The following PCED1B variants were observed in gnomAD, a reference collection of about 807,000 sequenced individuals.
PCED1B encodes the protein PC-esterase domain-containing protein 1B.
For synonymous variants in PCED1B, 251 were observed against 246.1 expected, an observed-to-expected ratio of 1.02 and a Z score of -0.19; for missense variants, 573 against 573.9, an observed-to-expected ratio of 1.00 and a Z score of 0.02.
chr12:47,149,337 A>G (rs937284511), intron 2 of PCED1B, among the ~76,000 whole-genome samples: 7 of 152,170 alleles, frequency 4.6e-5, no homozygotes, highest in African/African-American at 1.7e-4. Flanking sequence ...CCTCACCCCA[A>G]TTATGGCTCC....
chr12:47,128,924 C>T lies in PCED1B; in HGVS notation c.-526+24729C>T, dbSNP rs562541255. ...TTTTATAAGGACACTTGGGAAAGTG[C>T]GGAAGTGCAGAAAGCCATCTCTGAA... On this transcript the variant is annotated intron_variant, in intron 2 of 3. Coordinates refer to ENST00000546455, the MANE Select transcript of PCED1B (RefSeq NM_138371.3). Among the ~76,000 whole-genome samples the T allele has an allele frequency of 5.3e-5, 8 of 152,180 alleles. 1 individual carries two copies. Among genetic ancestry groups the T allele is most frequent in the African/African-American group, 9.6e-5 (4 of 41,456 alleles).
At chr12:47,197,731 C>G (rs1942649612) in intron 2 of PCED1B, among the ~76,000 whole-genome samples, 1 of 151,846 alleles carries the variant, frequency 6.6e-6, no homozygotes, top group South Asian at 2.1e-4. Context: ...ACTCCATGGA[C>G]ATTAAAAGAA....
intron 3 of PCED1B, chr12:47,224,113 A>T (rs1943565200): frequency 6.6e-6 from 1 of 152,248 alleles, no homozygotes; most frequent in African/African-American, 2.4e-5. Flanking sequence ...ATGCAAGACC[A>T]TCATGTAGAG....
chr12:47,218,658 T>A (rs1242011963), intron 3 of PCED1B, among the ~76,000 whole-genome samples: 2 of 147,292 alleles, frequency 1.4e-5, no homozygotes, highest in African/African-American at 2.5e-5. Context: ...TGATCATTTT[T>A]AATTTTTTTT....
chr12:47,215,275 T>C (rs4768144), intron 2 of PCED1B, among the ~76,000 whole-genome samples: 33,316 of 149,420 alleles, frequency 0.22, 4,467 homozygotes, highest in Non-Finnish European at 0.3. Context: ...TTTTTAAAGA[T>C]GGAGTCTTGC....
Position 47,236,193 on chromosome 12 carries a change from C to T in PCED1B, c.1130C>T (p.Pro377Leu). 3.7e-6 allele frequency: 6 copies of T among 1,614,128 alleles called. No individual in the cohort carries two copies. The highest frequency in any genetic ancestry group is 5.1e-6 in the Non-Finnish European group (6 of 1,180,026). ...GTCGAAGACAATTTTATGGTTGGTC[C>T]TCAGCTGCCTATGCCCTTCTTCCCC... ...FFVEDNFMVG[P>L]QLPMPFFPTP... is the part of the protein sequence containing the mutation. Residue 377 changes from proline to leucine, a missense_variant, in exon 4 of 4, where the codon CCT becomes CTT. By Grantham distance (98) the Pro-to-Leu change is moderately conservative. Coordinates refer to ENST00000546455, the MANE Select transcript of PCED1B (RefSeq NM_138371.3).
chr12:47,209,246 G>A (rs773547306), intron 2 of PCED1B: 3 of 152,244 alleles, frequency 2.0e-5, no homozygotes, highest in African/African-American at 4.8e-5. Flanking sequence ...CTACCCTGCA[G>A]GGTGGTTTTA....
chr12:47,167,272 G>C (rs538508695), intron 2 of PCED1B, among the ~76,000 whole-genome samples: 14 of 152,138 alleles, frequency 9.2e-5, no homozygotes, highest in African/African-American at 3.4e-4. Context: ...GCATATTTTG[G>C]GGGGTGTAGC....
At position 47,235,339 on chromosome 12, in the gene PCED1B, C is replaced by T; in HGVS notation, c.276C>T (p.Tyr92=). ...CCGACCACCATCTGGTACGTTTTTA[C>T]TTCCTCACCCGCGTGTACTCCGATT... ...FRSDHHLVRF[Y]FLTRVYSDYL... The change falls in exon 4 of 4, where the codon TAC becomes TAT. Residue 92 remains tyrosine (Y), a synonymous_variant. Transcript: ENST00000546455. The T allele has an allele frequency of 1.2e-6, 2 of 1,614,126 alleles. No homozygotes were observed. Among genetic ancestry groups the T allele is most frequent in the Non-Finnish European group, 1.7e-6 (2 of 1,180,036 alleles).
intron 2 of PCED1B, among the ~76,000 whole-genome samples, chr12:47,154,883 C>A (rs1183585378): frequency 1.3e-5 from 2 of 151,828 alleles, no homozygotes; most frequent in Non-Finnish European, 2.9e-5. Flanking sequence ...AAATTATATT[C>A]ATTACTTTCT....
chr12:47,136,037 G>C (rs906253242), intron 2 of PCED1B: 1 of 149,024 alleles, frequency 6.7e-6, no homozygotes. Flanking sequence ...GGGTACAGTA[G>C]CCTTTTTTCC....
At position 47,131,673 on chromosome 12, in the gene PCED1B, C is replaced by CTTTTTTTTTTTTTTTTTTTTTTTTT. The variant is rs760678015; in HGVS notation, c.-526+27492_-526+27493insTTTTTTTTTTTTTTTTTTTTTTTTT. Among the ~76,000 whole-genome samples, 26 of 127,984 alleles carry CTTTTTTTTTTTTTTTTTTTTTTTTT rather than the reference C, an allele frequency of 2.0e-4. 3 individuals are homozygous for CTTTTTTTTTTTTTTTTTTTTTTTTT. The highest frequency in any genetic ancestry group is 7.9e-4 in the African/African-American group (22 of 27,926). The allele number at this position is 127,984 out of a possible 152,430, so 84.0% of individuals were successfully genotyped here. A position where few individuals can be genotyped will look rare whatever the true frequency, so the allele number is the denominator to read the frequency against. On this transcript the variant is annotated intron_variant, in intron 2 of 3. Coordinates refer to ENST00000546455, the MANE Select transcript of PCED1B (RefSeq NM_138371.3). Reference sequence around the variant, plus strand: ...CTGACACTATTGTCATGTTTTACTTCTTTTTTTTTTTTTTGAGAAGGAGTC... The same window carrying CTTTTTTTTTTTTTTTTTTTTTTTTT: ...CTGACACTATTGTCATGTTTTACTTCTTTTTTTTTTTTTTTTTTTTTTTTTTTTTTTTTTTTTTTGAGAAGGAGTC...
chr12:47,198,130 A>G (rs1942662145), intron 2 of PCED1B, among the ~76,000 whole-genome samples: 2 of 152,216 alleles, frequency 1.3e-5, no homozygotes, highest in African/African-American at 2.4e-5. Flanking sequence ...ACAATCATAA[A>G]TCCAGAAATT....
chr12:47,236,183 A>G lies in PCED1B; in HGVS notation c.1120A>G (p.Met374Val), dbSNP rs201970972. 1.4e-5 allele frequency: 23 copies of G among 1,613,884 alleles called. No homozygotes were observed. In the African/African-American group the frequency reaches 3.1e-4, roughly 22 times the overall value. ...HAGFFVEDNF[M>V]VGPQLPMPFF... is the part of the protein sequence containing the mutation. ...AGGTTTCTTCGTCGAAGACAATTTT[A>G]TGGTTGGTCCTCAGCTGCCTATGCC... The change falls in exon 4 of 4, where the codon ATG becomes GTG. Residue 374 changes from methionine (M) to valine (V), a missense_variant. Coordinates refer to ENST00000546455, the MANE Select transcript of PCED1B (RefSeq NM_138371.3).
Position 47,208,347 on chromosome 12 carries a change from C to T in PCED1B, c.-525-7875C>T, listed in dbSNP as rs149999984. On this transcript the variant is annotated intron_variant, in intron 2 of 3. Coordinates refer to ENST00000546455, the MANE Select transcript of PCED1B (RefSeq NM_138371.3). ...ACTTTCTGGGCTCAGGTGATCCTCC[C>T]ACCTCAGCCTCCTGAGTAGCTGAGT... 3.1e-3 allele frequency: 469 copies of T among 152,518 alleles called. 3 individuals are homozygous for T. The highest frequency in any genetic ancestry group is 5.6e-3 in the Admixed American group (85 of 15,282). The allele number at this position is 152,518 out of a possible 1,614,324, so 9.4% of individuals were successfully genotyped here. A position where few individuals can be genotyped will look rare whatever the true frequency, so the allele number is the denominator to read the frequency against.
intron 2 of PCED1B, among the ~76,000 whole-genome samples, chr12:47,105,984 C>T (rs1034250027): frequency 4.6e-5 from 7 of 152,118 alleles, no homozygotes; most frequent in South Asian, 4.1e-4. Context: ...AATTAAAAAG[C>T]TTATAACACA....
rs760678015 is a variant in PCED1B, at chr12:47,131,673, C to CTTTTTTTTTTTTTTTTTTTTTTTTTT, written c.-526+27492_-526+27493insTTTTTTTTTTTTTTTTTTTTTTTTTT. 2.2e-4 allele frequency among the ~76,000 whole-genome samples: 28 copies of CTTTTTTTTTTTTTTTTTTTTTTTTTT among 127,984 alleles called. 1 individual carries two copies. Among genetic ancestry groups the CTTTTTTTTTTTTTTTTTTTTTTTTTT allele is most frequent in the African/African-American group, 8.6e-4 (24 of 27,924 alleles). The allele number at this position is 127,984 out of a possible 152,430, so 84.0% of individuals were successfully genotyped here. ...CTGACACTATTGTCATGTTTTACTT[C>CTTTTTTTTTTTTTTTTTTTTTTTTTT]TTTTTTTTTTTTTTGAGAAGGAGTC... On this transcript the variant is annotated intron_variant, in intron 2 of 3. Coordinates refer to ENST00000546455, the MANE Select transcript of PCED1B (RefSeq NM_138371.3).
intron 2 of PCED1B, among the ~76,000 whole-genome samples, chr12:47,200,876 C>G (rs1942743212): frequency 6.6e-6 from 1 of 152,180 alleles, no homozygotes; most frequent in Non-Finnish European, 1.5e-5. Context: ...TTAAAAGACA[C>G]AGTTGTTCAT....
At chr12:47,221,723 A>G (rs1038937792) in intron 3 of PCED1B, among the ~76,000 whole-genome samples, 2 of 152,194 alleles carry the variant, frequency 1.3e-5, no homozygotes, top group African/African-American at 4.8e-5. Context: ...CAATATTTAC[A>G]TTTAGGGAGA....
Sources: gnomAD v4.1 joint callset for allele counts (sites outside exome capture counted in the v4.1 genomes callset) on GRCh38, gnomAD v4.1.1 for gene constraint, MANE v1.5 for transcripts, NCBI Gene and HGNC (gene_info 2026-07-23, HGNC 2026-07-21) for gene names.